Variants in ARMCX4 observed in about 807,000 individuals in gnomAD.
ARMCX4 encodes the protein armadillo repeat containing X-linked 4.
Under a neutral mutation model 34.7 loss-of-function variants are expected in ARMCX4, and 3 were observed. The observed-to-expected ratio is 0.09, with a 90% CI of 0.04 to 0.22. The LOEUF (loss-of-function observed/expected upper bound fraction) is 0.22. Among genes scored for constraint, ARMCX4 ranks in the 10% least tolerant of loss-of-function variants. The pLI, the probability that ARMCX4 is intolerant of heterozygous loss-of-function variation, is 1.00. For synonymous variants in ARMCX4, 513 were observed against 632.8 expected, an observed-to-expected ratio of 0.81 and a Z score of 2.84; for missense variants, 1,448 against 1,720.8, an observed-to-expected ratio of 0.84 and a Z score of 2.81.
At chrX:101,434,654 T>C (rs1350315269) in intron 2 of ARMCX4, among the ~76,000 whole-genome samples, 1 of 110,965 alleles carries the variant, frequency 9.0e-6, no homozygotes, top group African/African-American at 3.3e-5. Context: ...TTTTTTATTA[T>C]ACTTTAAGTT....
At chrX:101,474,444 C>T in intron 4 of ARMCX4, among the ~76,000 whole-genome samples, 2 of 107,743 alleles carry the variant, frequency 1.9e-5, no homozygotes, top group South Asian at 8.5e-4. Context: ...AGGGAATCCT[C>T]CCTAACTCAT....
chrX:101,450,651 A>G (rs1386554069), downstream of ARMCX4, among the ~76,000 whole-genome samples: 1 of 111,795 alleles, frequency 8.9e-6, no homozygotes, highest in Non-Finnish European at 1.9e-5. Flanking sequence ...TTTTCACCAT[A>G]GCCACCAGAG....
chrX:101,525,460 G>A (rs1556020198), intron 11 of ARMCX4, among the ~76,000 whole-genome samples: 1 of 111,961 alleles, frequency 8.9e-6, no homozygotes, highest in Non-Finnish European at 1.9e-5. Context: ...AAGCGGGATG[G>A]AGAATGACTT....
exon 8 of ARMCX4, chrX:101,505,048 A>G (rs1207282637): frequency 1.8e-5 from 2 of 111,815 alleles, no homozygotes; most frequent in Non-Finnish European, 3.8e-5. Context: ...ATCCAAAGTC[A>G]TGTTGAGGAT....
chrX:101,464,752 G>A (rs1932762938), intron 4 of ARMCX4, among the ~76,000 whole-genome samples: 1 of 111,673 alleles, frequency 9.0e-6, no homozygotes, highest in African/African-American at 3.3e-5. Flanking sequence ...GTATATATGG[G>A]TACCAGTTTA....
chrX:101,436,152 TTAAAG>T (rs2147545530), intron 2 of ARMCX4, among the ~76,000 whole-genome samples: 1 of 108,368 alleles, frequency 9.2e-6, no homozygotes, highest in South Asian at 4.0e-4. Context: ...CATATGAACT[TTAAAG>T]TAGTTTTTTC....
At chrX:101,462,154 A>G (rs5991908) in intron 4 of ARMCX4, among the ~76,000 whole-genome samples, 33,864 of 111,158 alleles carry the variant, frequency 0.3, 4,109 homozygotes, top group East Asian at 0.45. Flanking sequence ...TATTTTATGT[A>G]AATATTTTTC....
In ARMCX4 at chrX:101,492,883, C is replaced by A. The variant is rs1934039465; in HGVS notation, c.4294C>A (p.Gln1432Lys). ...AAGGTCATGGGCTAACTCTGGGGAC[C>A]AAATCAGTGGAGGATTCTTAGTTGG... ...SGRSWANSGDQISGGFLVGIV... is the reference protein window; with the variant it reads ...SGRSWANSGDKISGGFLVGIV... Residue 1432 changes from glutamine to lysine, a missense_variant, in exon 6 of 6, where the codon CAA becomes AAA. By Grantham distance (53) the Gln-to-Lys change is moderately conservative (BLOSUM62 1). Coordinates refer to ENST00000423738, the MANE Select transcript of ARMCX4 (RefSeq NM_001256155.3). 9.5e-6 allele frequency: 11 copies of A among 1,153,958 alleles called. No homozygotes were observed. The highest frequency in any genetic ancestry group is 1.0e-5 in the Non-Finnish European group (9 of 872,247).
At chrX:101,485,059 T>G (rs1360947106), upstream of ARMCX4, among the ~76,000 whole-genome samples, 1 of 104,994 alleles carries the variant, frequency 9.5e-6, no homozygotes, top group Non-Finnish European at 2.0e-5. Context: ...GGGTGGGGAG[T>G]GCTGGTCTTA....
chrX:101,437,802 T>G (rs1274803228), intron 2 of ARMCX4, among the ~76,000 whole-genome samples: 1 of 112,337 alleles, frequency 8.9e-6, no homozygotes, highest in Non-Finnish European at 1.9e-5. Context: ...AATTTCCCTC[T>G]ACACACTGCT....
intron 4 of ARMCX4, among the ~76,000 whole-genome samples, chrX:101,463,991 C>T (rs975918295): frequency 1.5e-4 from 16 of 110,059 alleles, no homozygotes; most frequent in South Asian, 4.0e-4. Flanking sequence ...CTCCTGAGCT[C>T]GAGTGATCCA....
chrX:101,443,791 G>T lies in ARMCX4; in HGVS notation n.165-261G>T. On this transcript the variant is annotated intron_variant and non_coding_transcript_variant, in intron 2 of 3. Coordinates refer to the ARMCX4 transcript ENST00000430461. ...TCATGCCCTGTTTCCCCTTGCCAAA[G>T]ATCACATGGTTGCCATCCAACCACT... is the stretch of plus-strand genomic sequence containing the variant. 7 of 328,830 alleles carry T rather than the reference G, an allele frequency of 2.1e-5. No homozygotes were observed. In the South Asian group the frequency reaches 2.2e-4, roughly 10 times the overall value. 27.1% of individuals were successfully genotyped at this position (328,830 alleles called of 1,213,427 possible).
At chrX:101,505,591 C>A (rs1450216851) in intron 8 of ARMCX4, among the ~76,000 whole-genome samples, 1 of 111,021 alleles carries the variant, frequency 9.0e-6, no homozygotes, top group Non-Finnish European at 1.9e-5. Flanking sequence ...AAACTGAGGA[C>A]AGAACACTGA....
chrX:101,528,454 T>C (rs1170105287), intron 11 of ARMCX4, among the ~76,000 whole-genome samples: 6 of 111,482 alleles, frequency 5.4e-5, no homozygotes, highest in African/African-American at 2.0e-4. Flanking sequence ...ACCACTCCTA[T>C]TCAACATAGT....
intron 4 of ARMCX4, among the ~76,000 whole-genome samples, chrX:101,459,167 C>T (rs1279979690): frequency 8.9e-6 from 1 of 111,997 alleles, no homozygotes; most frequent in Non-Finnish European, 1.9e-5. Context: ...TTCCCTTTTG[C>T]CCTTCCTTTC....
In ARMCX4 at chrX:101,432,963, T is replaced by C. The variant is rs781941894; in HGVS notation, n.165-11089T>C. Reference sequence around the variant, plus strand: ...GTATATATACACACATGTATACATATGTGTATATGTGTATATATACACACA... The same window carrying C: ...GTATATATACACACATGTATACATACGTGTATATGTGTATATATACACACA... On this transcript the variant is annotated intron_variant and non_coding_transcript_variant, in intron 2 of 3. Transcript: ENST00000430461. Among the ~76,000 whole-genome samples, 9 of 79,452 alleles carry C rather than the reference T, an allele frequency of 1.1e-4. No individual in the cohort carries two copies. In the South Asian group the frequency reaches 2.1e-3, roughly 18 times the overall value. 69.0% of individuals were successfully genotyped at this position (79,452 alleles called of 115,157 possible).
chrX:101,456,866 C>T (rs1932314837), intron 4 of ARMCX4, among the ~76,000 whole-genome samples: 2 of 110,144 alleles, frequency 1.8e-5, no homozygotes, highest in Admixed American at 9.7e-5. Context: ...TTAAAAGTTT[C>T]TCTTAATTTG....
chrX:101,445,693 G>T (rs782564599), intron 3 of ARMCX4, among the ~76,000 whole-genome samples: 2 of 111,769 alleles, frequency 1.8e-5, no homozygotes, highest in South Asian at 7.5e-4. Context: ...ATGAAGTCTC[G>T]TTAGCAGCAC....
intron 2 of ARMCX4, among the ~76,000 whole-genome samples, chrX:101,435,640 T>G (rs1286875742): frequency 9.1e-6 from 1 of 110,161 alleles, no homozygotes; most frequent in Middle Eastern, 4.2e-3. Context: ...AGAAGCTCTT[T>G]AGTTTAATTA....
Sources: allele counts gnomAD v4.1 joint callset (sites outside exome capture counted in the v4.1 genomes callset), GRCh38; gene constraint gnomAD v4.1.1; transcripts MANE v1.5; gene names NCBI Gene and HGNC (gene_info 2026-07-23, HGNC 2026-07-21).